APLP2: variants seen among roughly 807,000 people sequenced by gnomAD.
APLP2 encodes the protein amyloid beta precursor like protein 2.
In APLP2, 53 loss-of-function variants were observed where a neutral mutation model predicts 89.9. That is an observed-to-expected ratio of 0.59 (90% CI 0.47 to 0.74). APLP2 has a LOEUF of 0.74. APLP2 is among the 30% of genes least tolerant of loss of function. The pLI, the probability that APLP2 is intolerant of heterozygous loss-of-function variation, is 0.00. For synonymous variants in APLP2, 372 were observed against 348.6 expected (o/e 1.07, Z -0.75); for missense variants, 973 against 975.9 (o/e 1.00, Z 0.04).
At chr11:130,134,144 C>T (rs566841398) in intron 12 of APLP2, among the ~76,000 whole-genome samples, 7 of 152,286 alleles carry the variant, frequency 4.6e-5, no homozygotes, top group East Asian at 1.9e-4. Context: ...CTGCTGCGTG[C>T]GTGTCACAGA....
intron 13 of APLP2, chr11:130,139,231 C>T (rs948243187): frequency 6.6e-6 from 1 of 152,194 alleles, no homozygotes; most frequent in African/African-American, 2.4e-5. Context: ...CCTGCATGTT[C>T]AGCAGCTGTG....
chr11:130,109,742 T>C, intron 2 of APLP2, 140 bp downstream of exon 2: 1 of 914,500 alleles, frequency 1.1e-6, no homozygotes, highest in Non-Finnish European at 1.6e-6. Flanking sequence ...GCCTTTTGTT[T>C]CTAAATGTGT....
Position 130,106,916 on chromosome 11 carries a change from C to T in APLP2, c.106-2513C>T, listed in dbSNP as rs192555844. Among the ~76,000 whole-genome samples, 729 of 151,400 alleles carry T rather than the reference C, an allele frequency of 4.8e-3. 7 individuals carry two copies. The highest frequency in any genetic ancestry group is 0.017 in the African/African-American group (702 of 40,938). Reference sequence around the variant, plus strand: ...GTTGGACAGGCTGGTCTCGAACTCTCGACCTCGTGATCTGCCTGCCTTGGC... The same window carrying T: ...GTTGGACAGGCTGGTCTCGAACTCTTGACCTCGTGATCTGCCTGCCTTGGC... On this transcript the variant is annotated intron_variant, in intron 1 of 16. Coordinates refer to ENST00000338167, the MANE Select transcript of APLP2 (RefSeq NM_001142276.2).
At position 130,122,327 on chromosome 11, in the gene APLP2, C is replaced by A; in HGVS notation, c.736C>A (p.Leu246Met). 1 of 1,613,944 alleles carries A rather than the reference C, an allele frequency of 6.2e-7. No individual in the cohort carries two copies. Among genetic ancestry groups the A allele is most frequent in the Non-Finnish European group, 8.5e-7 (1 of 1,179,946 alleles). The change falls in exon 6 of 17, where the codon CTG becomes ATG. Residue 246 changes from leucine to methionine, a missense_variant. By Grantham distance (15) the Leu-to-Met change is conservative (BLOSUM62 2). Coordinates refer to ENST00000338167, the MANE Select transcript of APLP2 (RefSeq NM_001142276.2). ...YKSEFPTEAD[L>M]EDFTEAAVDE... ...CAGTGAATTTCCTACTGAAGCAGAT[C>A]TGGAAGACTTCACAGAAGCAGCTGT...
At chr11:130,106,023 G>A (rs1354813321) in intron 1 of APLP2, among the ~76,000 whole-genome samples, 3 of 152,128 alleles carry the variant, frequency 2.0e-5, no homozygotes, top group Non-Finnish European at 4.4e-5. Flanking sequence ...CTTTTCTCGT[G>A]CATGTCTGCA....
At chr11:130,135,836 A>G in intron 13 of APLP2, 121 bp downstream of exon 13, 28 of 1,242,164 alleles carry the variant, frequency 2.3e-5, no homozygotes, top group Non-Finnish European at 3.0e-5. Context: ...GAGTCAGGGG[A>G]AGGGAGACTG....
intron 1 of APLP2, chr11:130,070,583 A>T (rs1044573378): frequency 7.6e-7 from 1 of 1,313,210 alleles, no homozygotes; most frequent in Non-Finnish European, 9.7e-7. Context: ...TGCCAGGTGG[A>T]CGCGGCCCCG....
intron 1 of APLP2, among the ~76,000 whole-genome samples, chr11:130,095,817 T>C (rs73583487): frequency 0.11 from 16,797 of 152,282 alleles, 1,182 homozygotes; most frequent in East Asian, 0.24. Context: ...ACTAGTTTAG[T>C]GCAGTATCTT....
intron 1 of APLP2, among the ~76,000 whole-genome samples, chr11:130,105,450 T>C (rs1947554333): frequency 6.6e-6 from 1 of 152,198 alleles, no homozygotes; most frequent in Non-Finnish European, 1.5e-5. Context: ...AGCTACCCTT[T>C]CTTGTTAGTA....
chr11:130,140,253 C>T (rs1031977035), intron 13 of APLP2, 145 bp from the exon 14 acceptor site: 3 of 552,626 alleles, frequency 5.4e-6, no homozygotes, highest in Non-Finnish European at 9.6e-6. Context: ...CACCCTCAGA[C>T]TTGTGAACAT....
Position 130,134,309 on chromosome 11 carries a change from G to A in APLP2, c.1684+581G>A, listed in dbSNP as rs192886509. Among the ~76,000 whole-genome samples, 536 of 152,320 alleles carry A rather than the reference G, an allele frequency of 3.5e-3. 1 individual carries two copies. Among genetic ancestry groups the A allele is most frequent in the African/African-American group, 0.012 (513 of 41,570 alleles). ...TGCTAGAGAGTGGCCAGTCGGGGCG[G>A]CTGCCTCTGGGGACGGTGGCCTGAG... On this transcript the variant is annotated intron_variant, in intron 12 of 16. Coordinates refer to ENST00000338167, the MANE Select transcript of APLP2 (RefSeq NM_001142276.2).
chr11:130,105,898 T>G (rs1344797417), intron 1 of APLP2, among the ~76,000 whole-genome samples: 1 of 152,112 alleles, frequency 6.6e-6, no homozygotes, highest in African/African-American at 2.4e-5. Flanking sequence ...AGATGGGGTT[T>G]GTCCATGTTG....
intron 1 of APLP2, among the ~76,000 whole-genome samples, chr11:130,083,406 G>A (rs887899008): frequency 1.3e-5 from 2 of 151,982 alleles, no homozygotes; most frequent in African/African-American, 4.8e-5. Flanking sequence ...ATGCAGTATT[G>A]TTAACTGTAG....
In APLP2 at chr11:130,123,505, G is replaced by T. The variant is rs1037142006; in HGVS notation, c.923-107G>T. On this transcript the variant is annotated intron_variant, in intron 6 of 16. Transcript: ENST00000338167. This position sits in a 1 kb window ranked among gnomAD's most constrained non-coding sequence, Gnocchi z 4.0. ...CCACCGGGCCTCCAGGCTCCGTCCA[G>T]TCTCAGGCCTCCCCCAGCCCATCCC... 9 of 1,265,406 alleles carry T rather than the reference G, an allele frequency of 7.1e-6. No homozygotes were observed. The highest frequency in any genetic ancestry group is 8.7e-6 in the Non-Finnish European group (8 of 923,372). 78.4% of individuals were successfully genotyped at this position (1,265,406 alleles called of 1,614,324 possible). A position where few individuals can be genotyped will look rare whatever the true frequency, so the allele number is the denominator to read the frequency against.
intron 9 of APLP2, among the ~76,000 whole-genome samples, chr11:130,128,163 A>AT (rs565067207): frequency 1.3e-5 from 2 of 152,204 alleles, no homozygotes; most frequent in Non-Finnish European, 2.9e-5. Context: ...GCAGTACTGA[A>AT]TTTTTTTTAA....
chr11:130,083,021 C>CTTTTTTTTTT (rs1469566240), intron 1 of APLP2, among the ~76,000 whole-genome samples: 14 of 79,976 alleles, frequency 1.8e-4, no homozygotes, highest in East Asian at 5.0e-4. Flanking sequence ...TGAAACTTTT[C>CTTTTTTTTTT]TTTTCTTTTT....
At position 130,143,782 on chromosome 11, in the gene APLP2, G is replaced by C; in HGVS notation, c.*334G>C. 1 of 210,806 alleles carries C rather than the reference G, an allele frequency of 4.7e-6. No individual in the cohort carries two copies. Among genetic ancestry groups the C allele is most frequent in the South Asian group, 8.0e-5 (1 of 12,548 alleles). 13.1% of individuals were successfully genotyped at this position (210,806 alleles called of 1,614,324 possible). A position where few individuals can be genotyped will look rare whatever the true frequency, so the allele number is the denominator to read the frequency against. On this transcript the variant is annotated 3_prime_UTR_variant, in exon 17 of 17. Transcript: ENST00000338167. ...ACATGCTCTCAATATATAATAAATG[G>C]GAAATGTCGATTTTCAATAATAGAC...
chr11:130,109,557 G>C lies in APLP2; in HGVS notation c.234G>C (p.Lys78Asn). The C allele has an allele frequency of 6.2e-7, 1 of 1,613,670 alleles. No individual in the cohort carries two copies. Among genetic ancestry groups the C allele is most frequent in the Non-Finnish European group, 8.5e-7 (1 of 1,179,792 alleles). Residue 78 changes from lysine to asparagine, a missense_variant, in exon 2 of 17, where the codon AAG (lysine) becomes AAC (asparagine). Lys to Asn is a moderately conservative substitution (Grantham distance 94). Coordinates refer to ENST00000338167, the MANE Select transcript of APLP2 (RefSeq NM_001142276.2). ...GKWEPDPTGTKSCFETKEEVL... is the reference protein window; with the variant it reads ...GKWEPDPTGTNSCFETKEEVL... ...GGGAACCTGATCCAACAGGCACCAA[G>C]AGCTGCTTTGAAACAAAAGAAGAAG...
chr11:130,090,206 C>T (rs1159647646), intron 1 of APLP2, among the ~76,000 whole-genome samples: 1 of 149,554 alleles, frequency 6.7e-6, no homozygotes, highest in Non-Finnish European at 1.5e-5. Flanking sequence ...AATTGTTGCG[C>T]GTCAAAAGAT....
Sources: gnomAD v4.1 joint callset for allele counts (sites outside exome capture counted in the v4.1 genomes callset) on GRCh38, gnomAD v4.1.1 for gene constraint, Gnocchi (gnomAD v3.1) non-coding constraint, MANE v1.5 for transcripts, NCBI Gene and HGNC (gene_info 2026-07-23, HGNC 2026-07-21) for gene names.